NCALD: variants seen among roughly 807,000 people sequenced by gnomAD.
The protein encoded by NCALD is neurocalcin delta.
In NCALD, 10 loss-of-function variants were observed where a neutral mutation model predicts 18.6. The ratio of observed to expected loss-of-function variants is 0.54; its 90% CI spans 0.33 to 0.91. The LOEUF is 0.91. Among genes scored for constraint, NCALD ranks in the 40% least tolerant of loss-of-function variants. The pLI is 0.03. For synonymous variants in NCALD, 88 were observed against 87.4 expected (o/e 1.01, Z -0.04); for missense variants, 184 against 247.6 (o/e 0.74, Z 1.72).
At chr8:102,049,113 G>GA (rs1402583231) in intron 1 of NCALD, among the ~76,000 whole-genome samples, 5 of 152,290 alleles carry the variant, frequency 3.3e-5, no homozygotes, top group Admixed American at 6.5e-5. Context: ...TTTTAGAGAT[G>GA]AAAAACACTG....
At chr8:101,771,072 C>T (rs1811566775) in intron 1 of NCALD, among the ~76,000 whole-genome samples, 1 of 152,144 alleles carries the variant, frequency 6.6e-6, no homozygotes, top group South Asian at 2.1e-4. Flanking sequence ...ATCAAAGTTA[C>T]TTTCTTTTCT....
chr8:101,892,212 C>T (rs1422413986), intron 3 of NCALD, among the ~76,000 whole-genome samples: 1 of 149,404 alleles, frequency 6.7e-6, no homozygotes, highest in African/African-American at 2.5e-5. Flanking sequence ...ACCCCTGACC[C>T]CCGAGCAGCC....
chr8:101,766,935 G>A (rs16868373), intron 1 of NCALD, among the ~76,000 whole-genome samples: 2,921 of 152,248 alleles, frequency 0.019, 108 homozygotes, highest in East Asian at 0.11. Context: ...ACACACTCCT[G>A]TTTAATTTAC....
chr8:101,930,900 T>C (rs569247374), intron 2 of NCALD, among the ~76,000 whole-genome samples: 134 of 152,272 alleles, frequency 8.8e-4, no homozygotes, highest in African/African-American at 3.1e-3. Context: ...TCCAGGGAAG[T>C]TGTGGCATTG....
At chr8:101,913,101 A>G (rs1047634110) in intron 3 of NCALD, among the ~76,000 whole-genome samples, 2 of 152,250 alleles carry the variant, frequency 1.3e-5, no homozygotes, top group Non-Finnish European at 2.9e-5. Flanking sequence ...AACACAGCAC[A>G]GTCAAGATCT....
At chr8:101,718,539 C>G (rs1157444179) in intron 2 of NCALD, among the ~76,000 whole-genome samples, 1 of 152,180 alleles carries the variant, frequency 6.6e-6, no homozygotes, top group East Asian at 1.9e-4. Context: ...AAATGTTCCT[C>G]CCTGCCTCAG....
chr8:101,698,728 T>A (rs1244336426), intron 2 of NCALD, among the ~76,000 whole-genome samples: 1 of 152,150 alleles, frequency 6.6e-6, no homozygotes, highest in Non-Finnish European at 1.5e-5. Flanking sequence ...GCTAGCTATA[T>A]GCAGAAAACT....
At chr8:101,883,749 C>A (rs1389672888) in intron 4 of NCALD, among the ~76,000 whole-genome samples, 1 of 152,074 alleles carries the variant, frequency 6.6e-6, no homozygotes, top group East Asian at 1.9e-4. Flanking sequence ...ATCTAAAGAC[C>A]CATACTACTT....
chr8:102,051,349 T>C lies in NCALD; in HGVS notation c.-209-31060A>G, dbSNP rs76490686. On this transcript the variant is annotated intron_variant, in intron 1 of 6. Coordinates refer to the NCALD transcript ENST00000311028. Reference sequence around the variant, plus strand: ...GCCATAGGGAGGATCAATGAGCTAATGTGTGGAAAGGACATGGACAGGTCT... The same window carrying C: ...GCCATAGGGAGGATCAATGAGCTAACGTGTGGAAAGGACATGGACAGGTCT... 2.0e-5 allele frequency among the ~76,000 whole-genome samples: 3 copies of C among 152,290 alleles called. No individual in the cohort carries two copies. In the East Asian group the frequency reaches 5.8e-4, roughly 29 times the overall value.
chr8:101,880,312 G>A (rs979078107), intron 4 of NCALD, among the ~76,000 whole-genome samples: 6 of 152,160 alleles, frequency 3.9e-5, no homozygotes, highest in African/African-American at 1.2e-4. Context: ...CACTGAGCCC[G>A]AGCCCACGCC....
At chr8:101,999,213 T>A (rs1328118660) in intron 2 of NCALD, among the ~76,000 whole-genome samples, 1 of 152,056 alleles carries the variant, frequency 6.6e-6, no homozygotes, top group Middle Eastern at 3.2e-3. Flanking sequence ...CATATGTTTA[T>A]ACCAGCACAA....
chr8:101,892,912 G>C lies in NCALD; in HGVS notation c.-106-5685C>G, dbSNP rs546657742. Reference sequence around the variant, plus strand: ...TTGGTGTACCAGAAAGTGATGGGGAGAATGGAACCAAGCTGGAAAACACTC... The same window carrying C: ...TTGGTGTACCAGAAAGTGATGGGGACAATGGAACCAAGCTGGAAAACACTC... On this transcript the variant is annotated intron_variant, in intron 3 of 6. Transcript: ENST00000311028. Among the ~76,000 whole-genome samples, 26 of 149,752 alleles carry C rather than the reference G, an allele frequency of 1.7e-4. 4 individuals are homozygous for C. Among genetic ancestry groups the C allele is most frequent in the African/African-American group, 6.3e-4 (25 of 39,418 alleles).
chr8:101,740,862 A>T (rs1427751180), intron 1 of NCALD, among the ~76,000 whole-genome samples: 1 of 151,878 alleles, frequency 6.6e-6, no homozygotes, highest in Non-Finnish European at 1.5e-5. Flanking sequence ...CCCCCTTCCC[A>T]GCAGGAACCA....
chr8:101,854,760 T>A (rs1482316230), intron 4 of NCALD, among the ~76,000 whole-genome samples: 1 of 152,282 alleles, frequency 6.6e-6, no homozygotes, highest in East Asian at 1.9e-4. Flanking sequence ...TGATATAACA[T>A]CATATAGCTT....
chr8:101,880,195 G>A (rs1025674016), intron 4 of NCALD, among the ~76,000 whole-genome samples: 2 of 152,148 alleles, frequency 1.3e-5, no homozygotes, highest in African/African-American at 4.8e-5. Context: ...CTGGTGGGCC[G>A]GCACTGCTGT....
intron 4 of NCALD, among the ~76,000 whole-genome samples, chr8:101,834,015 A>G (rs1814302034): frequency 6.6e-6 from 1 of 152,214 alleles, no homozygotes; most frequent in South Asian, 2.1e-4. Flanking sequence ...ATTGTTTTAT[A>G]ATAGCCCTAG....
At chr8:101,775,142 T>A (rs1162771992) in intron 1 of NCALD, among the ~76,000 whole-genome samples, 1 of 152,014 alleles carries the variant, frequency 6.6e-6, no homozygotes, top group Non-Finnish European at 1.5e-5. Flanking sequence ...ACTACAGGAG[T>A]TGTTAGTGAT....
chr8:101,905,276 C>CTCT (rs1215044097), intron 3 of NCALD, among the ~76,000 whole-genome samples: 63 of 145,548 alleles, frequency 4.3e-4, no homozygotes, highest in African/African-American at 1.2e-3. Context: ...TCTCTCCTCT[C>CTCT]CTCTCTCTCT....
chr8:101,803,882 T>C (rs1039951432), intron 4 of NCALD, among the ~76,000 whole-genome samples: 6 of 152,190 alleles, frequency 3.9e-5, no homozygotes, highest in South Asian at 4.1e-4. Context: ...TTTGAGAGGA[T>C]TGATTCCAAT....
Sources: allele counts gnomAD v4.1 joint callset (sites outside exome capture counted in the v4.1 genomes callset), GRCh38; gene constraint gnomAD v4.1.1; transcripts MANE v1.5; gene names NCBI Gene and HGNC (gene_info 2026-07-23, HGNC 2026-07-21).